Variants in DDX10 observed in about 807,000 individuals in gnomAD.
DDX10 encodes probable ATP-dependent RNA helicase DDX10.
A neutral mutation model predicts 104.3 loss-of-function variants in DDX10; 74 were observed. The observed-to-expected ratio is 0.71, with a 90% CI of 0.59 to 0.86. The LOEUF (loss-of-function observed/expected upper bound fraction) is 0.86, where lower values mean the gene tolerates loss of function less well. Ranked by LOEUF, DDX10 falls within the 40% of genes least tolerant of loss-of-function variation. DDX10 has a pLI of 0.00. For missense variants in DDX10, 952 were observed against 1,040.0 expected, an observed-to-expected ratio of 0.92 and a Z score of 1.16; for synonymous variants, 351 against 353.4, an observed-to-expected ratio of 0.99 and a Z score of 0.08.
intron 13 of DDX10, among the ~76,000 whole-genome samples, chr11:108,817,163 A>G (rs912987676): frequency 6.6e-6 from 1 of 152,218 alleles, no homozygotes; most frequent in South Asian, 2.1e-4. Flanking sequence ...ATCAACATAA[A>G]CAGTGTTAAG....
chr11:108,827,588 A>C (rs1320524735), intron 13 of DDX10, among the ~76,000 whole-genome samples: 1 of 152,182 alleles, frequency 6.6e-6, no homozygotes, highest in Non-Finnish European at 1.5e-5. Context: ...GACTTCTTAA[A>C]CGATTATAAA....
chr11:108,837,768 G>T (rs1257529666), intron 13 of DDX10, among the ~76,000 whole-genome samples: 1 of 151,310 alleles, frequency 6.6e-6, no homozygotes, highest in Non-Finnish European at 1.5e-5. Flanking sequence ...GATTACAGGC[G>T]CCCGCCACCA....
chr11:108,743,551 T>G (rs2094327854), intron 13 of DDX10, among the ~76,000 whole-genome samples: 1 of 152,150 alleles, frequency 6.6e-6, no homozygotes, highest in Admixed American at 6.5e-5. Flanking sequence ...AAAAATTAAC[T>G]TATTGTATTG....
rs1021674105 is a variant in DDX10, at chr11:108,822,327, C to T, written c.1966-16119C>T. ...GTTTTGTAATAAATAAGGCAGTGGC[C>T]AGTTATTACTGATGAGTAGCGTTTT... is the stretch of plus-strand genomic sequence containing the variant. On this transcript the variant is annotated intron_variant, in intron 13 of 17. Transcript: ENST00000322536. 3 of 333,184 alleles carry T rather than the reference C, an allele frequency of 9.0e-6. No individual in the cohort carries two copies. In the Admixed American group the frequency reaches 1.0e-4, roughly 11 times the overall value. The allele number at this position is 333,184 out of a possible 1,614,324, so 20.6% of individuals were successfully genotyped here. A position where few individuals can be genotyped will look rare whatever the true frequency, so the allele number is the denominator to read the frequency against.
intron 9 of DDX10, among the ~76,000 whole-genome samples, chr11:108,701,702 T>G (rs1812177142): frequency 9.0e-6 from 1 of 110,778 alleles, no homozygotes; most frequent in Non-Finnish European, 1.8e-5. Flanking sequence ...TTTTTTTTTG[T>G]GACTGAGTGT....
chr11:108,740,005 G>A (rs1295309661), intron 13 of DDX10, among the ~76,000 whole-genome samples: 1 of 149,150 alleles, frequency 6.7e-6, no homozygotes, highest in Non-Finnish European at 1.5e-5. Context: ...AAAAATTTGG[G>A]TTTAGTGGTA....
chr11:108,831,604 T>G (rs557489472), intron 13 of DDX10, among the ~76,000 whole-genome samples: 7 of 152,198 alleles, frequency 4.6e-5, no homozygotes, highest in Admixed American at 3.3e-4. Flanking sequence ...GGAGCTACTT[T>G]AAGGAAACAT....
At chr11:108,689,166 G>C in intron 7 of DDX10, 104 bp downstream of exon 7, 1 of 1,186,878 alleles carries the variant, frequency 8.4e-7, no homozygotes, top group Non-Finnish European at 1.2e-6. Flanking sequence ...TACAGTGCTA[G>C]GTGTGGTGAG....
chr11:108,868,431 C>A (rs1435210452), intron 16 of DDX10: 2 of 151,826 alleles, frequency 1.3e-5, no homozygotes, highest in African/African-American at 4.8e-5. Context: ...CCATCCCTTC[C>A]CGCTAACATG....
At chr11:108,690,452 A>G (rs2094250695) in intron 7 of DDX10, 1 of 153,644 alleles carries the variant, frequency 6.5e-6, no homozygotes, top group African/African-American at 2.4e-5. Flanking sequence ...TCTCACCAGC[A>G]CAGAGAGGGT....
At chr11:108,876,978 C>A (rs986962948) in intron 16 of DDX10, among the ~76,000 whole-genome samples, 1 of 152,150 alleles carries the variant, frequency 6.6e-6, no homozygotes, top group African/African-American at 2.4e-5. Context: ...GTTAGTCCAG[C>A]TGACCTCCCA....
intron 16 of DDX10, among the ~76,000 whole-genome samples, chr11:108,907,423 C>T (rs1443958581): frequency 1.3e-5 from 2 of 151,924 alleles, no homozygotes; most frequent in Non-Finnish European, 2.9e-5. Context: ...GCAACCTCCA[C>T]CTCTCAGGAT....
chr11:108,853,295 A>G (rs904897303), intron 16 of DDX10, among the ~76,000 whole-genome samples: 2 of 152,202 alleles, frequency 1.3e-5, no homozygotes, highest in Non-Finnish European at 2.9e-5. Context: ...AAATTTAACA[A>G]GAAAATCTTA....
chr11:108,903,886 T>C (rs746113150), intron 16 of DDX10, among the ~76,000 whole-genome samples: 3 of 152,142 alleles, frequency 2.0e-5, no homozygotes, highest in Non-Finnish European at 4.4e-5. Flanking sequence ...TATGAACGTT[T>C]ATGTGCAGGT....
chr11:108,718,693 G>T (rs2134472097), intron 11 of DDX10, among the ~76,000 whole-genome samples: 1 of 152,324 alleles, frequency 6.6e-6, no homozygotes, highest in East Asian at 1.9e-4. Context: ...GTCACGCATG[G>T]TTTAGCAGAA....
chr11:108,924,443 C>G (rs1565320775), intron 17 of DDX10, among the ~76,000 whole-genome samples: 1 of 152,204 alleles, frequency 6.6e-6, no homozygotes, highest in Non-Finnish European at 1.5e-5. Context: ...ACAGAGTAAA[C>G]TATTCCACAT....
At chr11:108,772,186 G>T (rs766398818) in intron 13 of DDX10, among the ~76,000 whole-genome samples, 1 of 152,210 alleles carries the variant, frequency 6.6e-6, no homozygotes, top group Non-Finnish European at 1.5e-5. Context: ...CTAGTCGTGA[G>T]ATGAATAATG....
intron 15 of DDX10, among the ~76,000 whole-genome samples, chr11:108,849,513 T>C (rs1024091409): frequency 3.3e-5 from 5 of 152,136 alleles, no homozygotes; most frequent in African/African-American, 4.8e-5. Flanking sequence ...GGACCTATAG[T>C]GTGTGAGAAT....
intron 13 of DDX10, among the ~76,000 whole-genome samples, chr11:108,801,780 A>G (rs1428222820): frequency 2.6e-5 from 4 of 152,050 alleles, no homozygotes; most frequent in Non-Finnish European, 5.9e-5. Context: ...TAACCAATGT[A>G]TATACTATCA....
Sources: gnomAD v4.1 joint callset for allele counts (sites outside exome capture counted in the v4.1 genomes callset) on GRCh38, gnomAD v4.1.1 for gene constraint, MANE v1.5 for transcripts, NCBI Gene and HGNC (gene_info 2026-07-23, HGNC 2026-07-21) for gene names.